The following PHEX variants were observed in gnomAD, a reference collection of about 807,000 sequenced individuals.
The protein encoded by PHEX is phosphate regulating endopeptidase X-linked.
A neutral mutation model predicts 68.0 loss-of-function variants in PHEX; 16 were observed. That is an observed-to-expected ratio of 0.24 (90% CI 0.16 to 0.36). PHEX has a LOEUF of 0.36. Among genes scored for constraint, PHEX ranks in the 10% least tolerant of loss-of-function variants. The pLI is 1.00. For synonymous variants in PHEX, 208 were observed against 205.1 expected (o/e 1.01, Z -0.12); for missense variants, 480 against 575.5 (o/e 0.83, Z 1.70).
At chrX:22,053,272 A>G (rs746550312) in intron 3 of PHEX, among the ~76,000 whole-genome samples, 2 of 111,824 alleles carry the variant, frequency 1.8e-5, no homozygotes, top group African/African-American at 6.5e-5. Flanking sequence ...CCAAAATAAA[A>G]CCCAATACTA....
chrX:22,137,516 A>G (rs965764272), intron 12 of PHEX, among the ~76,000 whole-genome samples: 1 of 111,521 alleles, frequency 9.0e-6, no homozygotes, highest in Non-Finnish European at 1.9e-5. Context: ...ACAGAGGTGT[A>G]GCCCACTTCT....
rs1222771440 is a variant in PHEX, at chrX:22,249,453, A to ATAT, written c.*1500_*1501insTAT. Reference sequence around the variant, plus strand: ...ATTTGTGATTCTTTTAAAAAAAAAAAAAATATATATATATATATATATATA... The same window carrying ATAT: ...ATTTGTGATTCTTTTAAAAAAAAAAATATAAATATATATATATATATATATATA... On this transcript the variant is annotated 3_prime_UTR_variant, in exon 22 of 22. Coordinates refer to ENST00000379374, the MANE Select transcript of PHEX (RefSeq NM_000444.6). 1.7e-3 allele frequency: 48 copies of ATAT among 28,029 alleles called. No individual in the cohort carries two copies. The highest frequency in any genetic ancestry group is 6.2e-3 in the African/African-American group (30 of 4,825). 2.3% of individuals were successfully genotyped at this position (28,029 alleles called of 1,213,427 possible).
At chrX:22,047,236 A>C in intron 3 of PHEX, 25 bp downstream of exon 3, 2 of 1,151,264 alleles carry the variant, frequency 1.7e-6, no homozygotes, top group Non-Finnish European at 2.4e-6. Context: ...GGGTTTGGTG[A>C]TACACTTTAT....
chrX:22,077,254 C>T (rs1929190194), intron 4 of PHEX, among the ~76,000 whole-genome samples: 1 of 111,473 alleles, frequency 9.0e-6, no homozygotes, highest in Non-Finnish European at 1.9e-5. Context: ...GCTCTCCTGG[C>T]AAGAACACTA....
chrX:22,191,082 C>T (rs758318507), intron 15 of PHEX, among the ~76,000 whole-genome samples: 75 of 111,916 alleles, frequency 6.7e-4, no homozygotes, highest in African/African-American at 2.3e-3. Context: ...TTCAGTGGTA[C>T]GATCCTGGCT....
intron 14 of PHEX, among the ~76,000 whole-genome samples, chrX:22,183,840 T>C (rs1203230799): frequency 8.9e-6 from 1 of 112,188 alleles, no homozygotes; most frequent in African/African-American, 3.2e-5. Context: ...TTTCAAAATG[T>C]CATTATTCAT....
chrX:22,206,357 A>C (rs2250156), intron 15 of PHEX, among the ~76,000 whole-genome samples: 56,703 of 110,768 alleles, frequency 0.51, 12,308 homozygotes, highest in African/African-American at 0.84. Context: ...AGAATCAGTT[A>C]ATTCAACAAG....
At chrX:22,057,233 A>G (rs938609851) in intron 3 of PHEX, among the ~76,000 whole-genome samples, 1 of 112,061 alleles carries the variant, frequency 8.9e-6, no homozygotes, top group Non-Finnish European at 1.9e-5. Flanking sequence ...TGAACAGGCT[A>G]TTAGCAAGGT....
chrX:22,148,072 A>G (rs1932760418), intron 12 of PHEX, among the ~76,000 whole-genome samples: 1 of 111,385 alleles, frequency 9.0e-6, no homozygotes, highest in Admixed American at 9.6e-5. Flanking sequence ...GCTTAAAACA[A>G]GTATTTTATT....
At chrX:22,035,125 T>G (rs185325440) in intron 1 of PHEX, among the ~76,000 whole-genome samples, 37 of 111,252 alleles carry the variant, frequency 3.3e-4, no homozygotes, top group Admixed American at 3.3e-3. Context: ...CCACATTCAC[T>G]TACATGCCTG....
chrX:22,108,109 A>G (rs1930784635), intron 9 of PHEX, among the ~76,000 whole-genome samples: 1 of 110,729 alleles, frequency 9.0e-6, no homozygotes, highest in Admixed American at 9.7e-5. Context: ...TTCTTGTCCT[A>G]TTAAGGAGTG....
rs1346172366 is a variant in PHEX at position 22,196,577 on chromosome X, C to T, written c.1645+6075C>T. The stretch of plus-strand genomic sequence containing the variant: ...AGCTCATATTTGGTTTTCATTTCTA[C>T]TAACATGGATTGGTCTTTAGAAGAA... On this transcript the variant is annotated intron_variant, in intron 15 of 21. Transcript: ENST00000379374. 4.4e-5 allele frequency among the ~76,000 whole-genome samples: 5 copies of T among 112,436 alleles called. No individual in the cohort carries two copies. In the Admixed American group the frequency reaches 4.7e-4, roughly 11 times the overall value.
At chrX:22,045,741 C>T (rs1006177297) in intron 2 of PHEX, among the ~76,000 whole-genome samples, 1 of 111,832 alleles carries the variant, frequency 8.9e-6, no homozygotes, top group Non-Finnish European at 1.9e-5. Flanking sequence ...TCTCCTTCAG[C>T]CAAGGCGTCT....
chrX:22,126,434 A>T (rs1474992966), intron 11 of PHEX, among the ~76,000 whole-genome samples: 1 of 111,684 alleles, frequency 9.0e-6, no homozygotes. Context: ...TTTGAAGAAA[A>T]CTACAACCGA....
chrX:22,122,447 C>T (rs1375548109), intron 11 of PHEX, among the ~76,000 whole-genome samples: 1 of 111,313 alleles, frequency 9.0e-6, no homozygotes, highest in South Asian at 3.7e-4. Flanking sequence ...AAAATATTGA[C>T]CTAATATAGA....
intron 3 of PHEX, among the ~76,000 whole-genome samples, chrX:22,047,472 T>C (rs1355023138): frequency 1.8e-5 from 2 of 112,331 alleles, no homozygotes; most frequent in African/African-American, 6.5e-5. Context: ...GAGCATTTGA[T>C]TGAGATTGGA....
intron 3 of PHEX, among the ~76,000 whole-genome samples, chrX:22,061,220 AT>A (rs1407227734): frequency 5.4e-5 from 6 of 112,096 alleles, no homozygotes; most frequent in African/African-American, 1.6e-4. Context: ...CATACTCTGA[AT>A]TGGTCAACGG....
At chrX:22,191,303 C>T (rs1489118808) in intron 15 of PHEX, among the ~76,000 whole-genome samples, 3 of 112,395 alleles carry the variant, frequency 2.7e-5, no homozygotes, top group Non-Finnish European at 5.6e-5. Flanking sequence ...GCTGGGATTA[C>T]AGGCGTGAGC....
intron 12 of PHEX, 27 bp downstream of exon 12, chrX:22,133,651 A>T (rs1932112487): frequency 9.4e-7 from 1 of 1,068,476 alleles, no homozygotes; most frequent in South Asian, 1.9e-5. Context: ...ATGAAAAAAA[A>T]ATAAGACTTC....
Sources: allele counts gnomAD v4.1 joint callset (sites outside exome capture counted in the v4.1 genomes callset), GRCh38; gene constraint gnomAD v4.1.1; transcripts MANE v1.5; gene names NCBI Gene and HGNC (gene_info 2026-07-23, HGNC 2026-07-21).